The following SHROOM2 variants were observed in gnomAD, a reference collection of about 807,000 sequenced individuals.
The protein encoded by SHROOM2 is protein Shroom2.
A neutral mutation model predicts 75.9 loss-of-function variants in SHROOM2; 33 were observed. The observed-to-expected ratio is 0.43, with a 90% CI of 0.33 to 0.58. The LOEUF is 0.58. Among genes scored for constraint, SHROOM2 ranks in the 20% least tolerant of loss-of-function variants. SHROOM2 has a pLI of 0.04. For missense variants in SHROOM2, 1,434 were observed against 1,461.2 expected (o/e 0.98, Z 0.30); for synonymous variants, 655 against 663.6 (o/e 0.99, Z 0.20).
At chrX:9,832,742 T>C (rs1359697538) in intron 1 of SHROOM2, among the ~76,000 whole-genome samples, 4 of 87,785 alleles carry the variant, frequency 4.6e-5, no homozygotes, top group African/African-American at 1.7e-4. Flanking sequence ...GTTGCAGGGG[T>C]AAGGGTGGGG....
At chrX:9,824,293 C>G (rs2146753440) in intron 1 of SHROOM2, among the ~76,000 whole-genome samples, 1 of 108,310 alleles carries the variant, frequency 9.2e-6, no homozygotes, top group Non-Finnish European at 1.9e-5. Context: ...AAAAAAAAAG[C>G]TGGGCGTGGT....
intron 1 of SHROOM2, among the ~76,000 whole-genome samples, chrX:9,849,472 G>A (rs146675800): frequency 0.021 from 2,307 of 112,006 alleles, 59 homozygotes; most frequent in African/African-American, 0.071. Context: ...GTGGCCTTGT[G>A]GCACTTGCTA....
chrX:9,814,868 T>G (rs2083810473), intron 1 of SHROOM2, among the ~76,000 whole-genome samples: 2 of 111,771 alleles, frequency 1.8e-5, no homozygotes, highest in African/African-American at 6.5e-5. Context: ...CTGGCGAGGC[T>G]GTGCATGCAT....
chrX:9,899,548 A>G (rs1020453323), intron 5 of SHROOM2, among the ~76,000 whole-genome samples: 4 of 112,172 alleles, frequency 3.6e-5, no homozygotes, highest in African/African-American at 1.3e-4. Context: ...ATGGGGTTTT[A>G]TTTCATTTGG....
intron 1 of SHROOM2, among the ~76,000 whole-genome samples, chrX:9,869,993 G>A (rs1475020826): frequency 2.7e-5 from 3 of 111,637 alleles, no homozygotes; most frequent in Non-Finnish European, 3.8e-5. Context: ...CAAGGCAAGT[G>A]GATGGCTTGA....
intron 1 of SHROOM2, among the ~76,000 whole-genome samples, chrX:9,793,370 A>G (rs1350931469): frequency 9.3e-6 from 1 of 107,738 alleles, no homozygotes; most frequent in Non-Finnish European, 1.9e-5. Context: ...GCTCACTGCA[A>G]CCTCCACCTC....
intron 1 of SHROOM2, among the ~76,000 whole-genome samples, chrX:9,855,751 C>T (rs910889308): frequency 2.7e-5 from 3 of 111,583 alleles, no homozygotes; most frequent in African/African-American, 6.5e-5. Flanking sequence ...GGTGTGTCAG[C>T]CGCCTTGTCG....
chrX:9,902,974 T>A (rs1047873836), intron 5 of SHROOM2, among the ~76,000 whole-genome samples: 8 of 111,841 alleles, frequency 7.2e-5, no homozygotes, highest in African/African-American at 2.3e-4. Flanking sequence ...TAAATCCCAA[T>A]ACCAGCTGCA....
intron 5 of SHROOM2, among the ~76,000 whole-genome samples, chrX:9,916,699 AC>A (rs1211364330): frequency 8.9e-6 from 1 of 112,140 alleles, no homozygotes; most frequent in African/African-American, 3.2e-5. Context: ...GCAAAGTCAG[AC>A]TTTTTTGGTG....
intron 1 of SHROOM2, among the ~76,000 whole-genome samples, chrX:9,845,719 C>G (rs779100811): frequency 3.7e-4 from 41 of 109,754 alleles, no homozygotes; most frequent in Non-Finnish European, 6.1e-4. Flanking sequence ...GGTCTCACCC[C>G]GTCTGCTGCA....
chrX:9,897,555 CAAAAAAAAA>C (rs1235925336), intron 4 of SHROOM2, among the ~76,000 whole-genome samples: 1 of 16,835 alleles, frequency 5.9e-5, no homozygotes, highest in African/African-American at 2.5e-4. Flanking sequence ...CTTATCTCTA[CAAAAAAAAA>C]AAAAAGAAAA....
rs7057824 is a variant in SHROOM2, at chrX:9,946,992, C to T, written c.*55C>T. The stretch of plus-strand genomic sequence containing the variant: ...GGGGCCTCCGAGCTCCAGCTCCGTT[C>T]CCAAGGATACTCGTGAAGACCCCAT... On this transcript the variant is annotated 3_prime_UTR_variant, in exon 10 of 10. Transcript: ENST00000380913. 2.3e-3 allele frequency: 2,560 copies of T among 1,089,426 alleles called. 33 individuals carry two copies. The African/African-American group carries it at 0.042, about 18-fold the overall frequency. 89.8% of individuals were successfully genotyped at this position (1,089,426 alleles called of 1,213,427 possible).
intron 5 of SHROOM2, among the ~76,000 whole-genome samples, chrX:9,898,864 AGGAGATTAGAGC>A (rs2084349568): frequency 8.9e-6 from 1 of 111,743 alleles, no homozygotes; most frequent in African/African-American, 3.3e-5. Context: ...TGGCAGCAGC[AGGAGATTAGAGC>A]GTTTTGTGCC....
chrX:9,826,407 A>G (rs1159282533), intron 1 of SHROOM2, among the ~76,000 whole-genome samples: 1 of 110,762 alleles, frequency 9.0e-6, no homozygotes, highest in Non-Finnish European at 1.9e-5. Context: ...GACAGGTATC[A>G]TTTTCCTTTT....
At chrX:9,914,102 C>T (rs1055405959) in intron 5 of SHROOM2, among the ~76,000 whole-genome samples, 1 of 96,535 alleles carries the variant, frequency 1.0e-5, no homozygotes, top group African/African-American at 3.8e-5. Flanking sequence ...CACCACCAAC[C>T]CAAACCAACA....
intron 2 of SHROOM2, among the ~76,000 whole-genome samples, chrX:9,875,991 G>T (rs1003279937): frequency 8.9e-6 from 1 of 112,200 alleles, no homozygotes; most frequent in African/African-American, 3.2e-5. Flanking sequence ...AAGCCTCAGG[G>T]CATCTGCTGG....
intron 1 of SHROOM2, among the ~76,000 whole-genome samples, chrX:9,831,787 G>A (rs1467414892): frequency 1.8e-5 from 2 of 111,667 alleles, no homozygotes; most frequent in African/African-American, 6.5e-5. Flanking sequence ...GTGCCTTCTT[G>A]CTGTATCCAT....
intron 1 of SHROOM2, among the ~76,000 whole-genome samples, chrX:9,792,001 GAAT>G (rs1471556501): frequency 0.056 from 1 of 18 alleles, no homozygotes; most frequent in African/African-American, 0.12. Context: ...GAATAGAATA[GAAT>G]AGAATAGAAT....
chrX:9,919,989 A>C (rs771445549), intron 5 of SHROOM2, among the ~76,000 whole-genome samples: 15 of 58,542 alleles, frequency 2.6e-4, no homozygotes, highest in East Asian at 1.5e-3. Flanking sequence ...GACATCTCAA[A>C]TCACTACAAC....
Sources: gnomAD v4.1 joint callset for allele counts (sites outside exome capture counted in the v4.1 genomes callset) on GRCh38, gnomAD v4.1.1 for gene constraint, MANE v1.5 for transcripts, NCBI Gene and HGNC (gene_info 2026-07-23, HGNC 2026-07-21) for gene names.